Variants in RCOR3 observed in about 807,000 individuals in gnomAD.
RCOR3 encodes the protein REST corepressor 3.
In RCOR3, 13 loss-of-function variants were observed where a neutral mutation model predicts 64.1. That is an observed-to-expected ratio of 0.20 (90% confidence interval 0.13 to 0.32). The LOEUF (loss-of-function observed/expected upper bound fraction) is 0.32, where lower values mean the gene tolerates loss of function less well. Ranked by LOEUF, RCOR3 falls within the 10% of genes least tolerant of loss-of-function variation. RCOR3 has a pLI of 1.00. For synonymous variants in RCOR3, 215 were observed against 239.0 expected (o/e 0.90, Z 0.93); for missense variants, 489 against 701.2 (o/e 0.70, Z 3.42).
chr1:211,292,255 G>A lies in RCOR3; in HGVS notation c.939+2859G>A, dbSNP rs560356357. Among the ~76,000 whole-genome samples, 8 of 152,304 alleles carry A rather than the reference G, an allele frequency of 5.3e-5. 1 individual carries two copies. In the South Asian group the frequency reaches 1.7e-3, roughly 32 times the overall value. On this transcript the variant is annotated intron_variant, in intron 8 of 11. Transcript: ENST00000419091. ...GTTTATAGTACATATTTAGAAGGCAGCTATCCTCACCACTATACCACCAAC... is the reference window on the plus strand; with the variant it reads ...GTTTATAGTACATATTTAGAAGGCAACTATCCTCACCACTATACCACCAAC...
rs17017352 is a variant in RCOR3 at position 211,281,560 on chromosome 1, G to A, written c.720+2244G>A. Among the ~76,000 whole-genome samples the A allele has an allele frequency of 4.4e-3, 673 of 152,108 alleles. 4 individuals are homozygous for A. Among genetic ancestry groups the A allele is most frequent in the African/African-American group, 0.015 (640 of 41,502 alleles). ...CTGCTTGCAATCCTTACATGGTGTC[G>A]TCTGTAGGATAAAACACAAACTCTC... is the stretch of plus-strand genomic sequence containing the variant. On this transcript the variant is annotated intron_variant, in intron 7 of 11. Transcript: ENST00000419091.
chr1:211,259,876 A>AC, intron 1 of RCOR3, 150 bp downstream of exon 1: 2 of 974,842 alleles, frequency 2.1e-6, no homozygotes, highest in Non-Finnish European at 2.8e-6. Flanking sequence ...GTGCAGCAGC[A>AC]CCCCCGCGAC....
At chr1:211,311,858 A>G (rs1364724011) in intron 10 of RCOR3, among the ~76,000 whole-genome samples, 1 of 152,200 alleles carries the variant, frequency 6.6e-6, no homozygotes, top group Non-Finnish European at 1.5e-5. Context: ...TCTATAGTAT[A>G]GTTAACAGTC....
intron 8 of RCOR3, 21 bp from the exon 9 acceptor site, chr1:211,295,655 T>G: frequency 1.2e-6 from 2 of 1,602,694 alleles, no homozygotes; most frequent in Non-Finnish European, 1.7e-6. Context: ...CTGATTCACA[T>G]TTGGGGTTAT....
At chr1:211,262,879 T>A (rs1252000484) in intron 2 of RCOR3, among the ~76,000 whole-genome samples, 5 of 152,062 alleles carry the variant, frequency 3.3e-5, no homozygotes, top group East Asian at 3.9e-4. Flanking sequence ...ACTTTTTTTT[T>A]TTATTATTAT....
chr1:211,274,341 C>T lies in RCOR3; in HGVS notation c.354+79C>T. 3 of 1,014,212 alleles carry T rather than the reference C, an allele frequency of 3.0e-6. No individual in the cohort carries two copies. The South Asian group carries it at 4.4e-5, about 15-fold the overall frequency. 62.8% of individuals were successfully genotyped at this position (1,014,212 alleles called of 1,614,324 possible). A position where few individuals can be genotyped will look rare whatever the true frequency, so the allele number is the denominator to read the frequency against. ...AGATTATCTCATGATAGTTTCTGTC[C>T]TAACAGCGTGCATAAGCTTGACCAG... On this transcript the variant is annotated intron_variant, in intron 4 of 11. Transcript: ENST00000419091.
In RCOR3 at chr1:211,289,209, A is replaced by G. The variant is rs895575847; in HGVS notation, c.752A>G (p.Lys251Arg). Residue 251 changes from lysine (K) to arginine (R), a missense_variant, in exon 8 of 12, where the codon AAG becomes AGG. Physicochemically the swap from Lys to Arg is conservative, Grantham distance 26. Transcript: ENST00000419091. ...GNTEQPVQTSKIGLGRREYQS... is the reference protein window; with the variant it reads ...GNTEQPVQTSRIGLGRREYQS... ...ACTGAACAACCTGTCCAAACTAGCA[A>G]GATTGGACTTGGAAGAAGAGAGTAT... 6.2e-7 allele frequency: 1 copy of G among 1,614,092 alleles called. No individual in the cohort carries two copies. Among genetic ancestry groups the G allele is most frequent in the Non-Finnish European group, 8.5e-7 (1 of 1,180,016 alleles).
intron 7 of RCOR3, 118 bp downstream of exon 7, chr1:211,279,434 C>G: frequency 1.5e-6 from 1 of 671,390 alleles, no homozygotes; most frequent in Non-Finnish European, 2.5e-6. Context: ...TAGTAAATTT[C>G]AGTGTTAATT....
intron 1 of RCOR3, 93 bp downstream of exon 1, chr1:211,259,819 C>G: frequency 1.6e-6 from 2 of 1,228,736 alleles, no homozygotes; most frequent in Non-Finnish European, 2.2e-6. Flanking sequence ...CCCGCCCTCC[C>G]TCCCCTCAGA....
In RCOR3 at chr1:211,314,039, G is replaced by T; in HGVS notation, c.*271G>T. 5.1e-6 allele frequency: 2 copies of T among 389,524 alleles called. No homozygotes were observed. The highest frequency in any genetic ancestry group is 9.3e-6 in the Non-Finnish European group (2 of 216,108). The allele number at this position is 389,524 out of a possible 1,614,324, so 24.1% of individuals were successfully genotyped here. A position where few individuals can be genotyped will look rare whatever the true frequency, so the allele number is the denominator to read the frequency against. ...ATAAAAGGAAAAACAAAAGATTTAA[G>T]TATTCTATATACCAAGTTTTTGTTT... On this transcript the variant is annotated 3_prime_UTR_variant, in exon 12 of 12. Coordinates refer to ENST00000419091, the MANE Select transcript of RCOR3 (RefSeq NM_001136223.3).
chr1:211,276,802 A>G (rs1324078913), intron 5 of RCOR3, among the ~76,000 whole-genome samples: 1 of 152,120 alleles, frequency 6.6e-6, no homozygotes, highest in Non-Finnish European at 1.5e-5. Flanking sequence ...AAAATCCCAT[A>G]TTAGGCCGGG....
At chr1:211,304,763 A>T (rs1033043426) in intron 10 of RCOR3, among the ~76,000 whole-genome samples, 4 of 152,198 alleles carry the variant, frequency 2.6e-5, no homozygotes, top group African/African-American at 9.7e-5. Context: ...GACTTTTTGT[A>T]TTATGAATAC....
intron 7 of RCOR3, among the ~76,000 whole-genome samples, chr1:211,283,355 G>T (rs1698086910): frequency 6.6e-6 from 1 of 152,212 alleles, no homozygotes; most frequent in Non-Finnish European, 1.5e-5. Flanking sequence ...GAGTAACAGG[G>T]TCCCAGGATT....
At chr1:211,295,881 T>C in intron 9 of RCOR3, 128 bp downstream of exon 9, 1 of 615,266 alleles carries the variant, frequency 1.6e-6, no homozygotes, top group Non-Finnish European at 2.9e-6. Context: ...ATGGATAATT[T>C]ATTATGTCTC....
intron 2 of RCOR3, chr1:211,267,880 A>G: frequency 7.8e-6 from 3 of 386,706 alleles, no homozygotes; most frequent in South Asian, 5.5e-5. Flanking sequence ...GGTAAGAGCC[A>G]CTGCACCCAG....
rs1216416020 is a variant in RCOR3 at position 211,262,015 on chromosome 1, T to C, written c.223+1851T>C. On this transcript the variant is annotated intron_variant, in intron 2 of 11. Coordinates refer to ENST00000419091, the MANE Select transcript of RCOR3 (RefSeq NM_001136223.3). ...GCCACAGGCTTTCCCTGAGCCTCAGTATTCCTAGCTATAAAAACTTTTTTT... is the reference window on the plus strand; with the variant it reads ...GCCACAGGCTTTCCCTGAGCCTCAGCATTCCTAGCTATAAAAACTTTTTTT... 2.1e-5 allele frequency among the ~76,000 whole-genome samples: 3 copies of C among 140,390 alleles called. No homozygotes were observed. The Admixed American group carries it at 2.2e-4, about 10-fold the overall frequency. 92.1% of individuals were successfully genotyped at this position (140,390 alleles called of 152,430 possible). A position where few individuals can be genotyped will look rare whatever the true frequency, so the allele number is the denominator to read the frequency against.
At chr1:211,303,254 A>T (rs751526357) in intron 9 of RCOR3, 2 of 151,934 alleles carry the variant, frequency 1.3e-5, no homozygotes, top group Non-Finnish European at 2.9e-5. Context: ...CTTCATTCTG[A>T]GTACTTGCAC....
intron 2 of RCOR3, among the ~76,000 whole-genome samples, chr1:211,270,772 A>G (rs1427626945): frequency 6.6e-6 from 1 of 152,068 alleles, no homozygotes; most frequent in Non-Finnish European, 1.5e-5. Flanking sequence ...ATGTAATGTA[A>G]ATCTGTTTTC....
At chr1:211,271,089 C>T (rs1010503534) in intron 2 of RCOR3, 143 bp from the exon 3 acceptor site, 4 of 557,640 alleles carry the variant, frequency 7.2e-6, no homozygotes, top group Admixed American at 3.1e-5. Context: ...GATCTCCTGA[C>T]CTTGTGATCC....
Sources: gnomAD v4.1 joint callset for allele counts (sites outside exome capture counted in the v4.1 genomes callset) on GRCh38, gnomAD v4.1.1 for gene constraint, MANE v1.5 for transcripts, NCBI Gene and HGNC (gene_info 2026-07-23, HGNC 2026-07-21) for gene names.